Variants in SHPK observed in about 807,000 individuals in gnomAD.
SHPK encodes the protein carbohydrate kinase-like protein.
In SHPK, 51 loss-of-function variants were observed where a neutral mutation model predicts 46.3. The ratio of observed to expected loss-of-function variants is 1.10; its 90% confidence interval spans 0.88 to 1.39. SHPK has a LOEUF of 1.39. Ranked by LOEUF, SHPK falls within the 40% of genes most tolerant of loss-of-function variation. The pLI is 0.00. For synonymous variants in SHPK, 290 were observed against 273.9 expected, an observed-to-expected ratio of 1.06 and a Z score of -0.58; for missense variants, 668 against 641.3, an observed-to-expected ratio of 1.04 and a Z score of -0.45.
chr17:3,622,096 C>G (rs1004089588), intron 4 of SHPK, among the ~76,000 whole-genome samples: 11 of 152,020 alleles, frequency 7.2e-5, no homozygotes, highest in African/African-American at 2.7e-4. Context: ...GATTACAGGC[C>G]TGCACCACCA....
At chr17:3,612,425 TA>T (rs375264317) in intron 6 of SHPK, among the ~76,000 whole-genome samples, 27,324 of 124,862 alleles carry the variant, frequency 0.22, 5,443 homozygotes, top group African/African-American at 0.55. Flanking sequence ...GACTCAGTCT[TA>T]AAAAAAAAAA....
intron 1 of SHPK, among the ~76,000 whole-genome samples, chr17:3,632,015 G>A (rs757674090): frequency 2.6e-4 from 40 of 151,802 alleles, no homozygotes; most frequent in Non-Finnish European, 4.7e-4. Context: ...GGAGTGCAGT[G>A]GTGTGATCTC....
At chr17:3,611,796 G>T (rs1049674126) in intron 6 of SHPK, among the ~76,000 whole-genome samples, 1 of 134,528 alleles carries the variant, frequency 7.4e-6, no homozygotes, top group Admixed American at 8.7e-5. Flanking sequence ...TTAGCTCTGC[G>T]GGTTTTTTTT....
chr17:3,628,081 C>G (rs1377473771), intron 2 of SHPK, among the ~76,000 whole-genome samples: 1 of 151,936 alleles, frequency 6.6e-6, no homozygotes, highest in Admixed American at 6.6e-5. Flanking sequence ...AATGCCAGTC[C>G]CACTGACAGG....
At position 3,610,450 on chromosome 17, in the gene SHPK, G is replaced by C; in HGVS notation, c.*110C>G. Reference sequence around the variant, plus strand: ...GAGATGGGACCTCACAACAAGCACTGCTTGAAAGCTGTCCACTGAACGGTC... The same window carrying C: ...GAGATGGGACCTCACAACAAGCACTCCTTGAAAGCTGTCCACTGAACGGTC... On this transcript the variant is annotated 3_prime_UTR_variant, in exon 7 of 7. Coordinates refer to ENST00000225519, the MANE Select transcript of SHPK (RefSeq NM_013276.4). 8.6e-7 allele frequency: 1 copy of C among 1,161,374 alleles called. No individual in the cohort carries two copies. The highest frequency in any genetic ancestry group is 1.2e-6 in the Non-Finnish European group (1 of 818,992). The allele number at this position is 1,161,374 out of a possible 1,614,324, so 71.9% of individuals were successfully genotyped here.
intron 5 of SHPK, among the ~76,000 whole-genome samples, chr17:3,615,781 G>A (rs1482709742): frequency 6.6e-6 from 1 of 152,084 alleles, no homozygotes; most frequent in Non-Finnish European, 1.5e-5. Context: ...ACTGAGAGAG[G>A]GTGGGGTTTT....
chr17:3,621,428 G>T lies in SHPK; in HGVS notation c.648-16C>A. On this transcript the variant is annotated splice_polypyrimidine_tract_variant and intron_variant, in intron 4 of 6. Transcript: ENST00000225519. ...GCTCCTCAGTCTGTAAAACAGAAGT[G>T]GACACCCACATGGACCCACAGTTAG... 6.2e-7 allele frequency: 1 copy of T among 1,611,552 alleles called. No individual in the cohort carries two copies. The highest frequency in any genetic ancestry group is 2.2e-5 in the East Asian group (1 of 44,772).
rs978688211 is a variant in SHPK at position 3,615,458 on chromosome 17, C to T, written c.903G>A (p.Thr301=). Reference sequence around the variant, plus strand: ...AGTATGGGAAGTAGGCGACTGGGGCCGTAGGGTCTGGAGTCTGTGCAGGCT... The same window carrying T: ...AGTATGGGAAGTAGGCGACTGGGGCTGTAGGGTCTGGAGTCTGTGCAGGCT... ...GFQPAQTPDP[T]APVAYFPYFN... is the part of the protein sequence containing the mutation. The change falls in exon 6 of 7, where the codon ACG becomes ACA. Residue 301 remains threonine (T), a synonymous_variant. Transcript: ENST00000225519. The T allele has an allele frequency of 8.1e-6, 13 of 1,614,012 alleles. No homozygotes were observed. The highest frequency in any genetic ancestry group is 3.3e-5 in the Admixed American group (2 of 59,992).
At chr17:3,622,552 C>T in intron 4 of SHPK, 1 of 982,312 alleles carries the variant, frequency 1.0e-6, no homozygotes, top group Non-Finnish European at 1.2e-6. Context: ...ACCTGAACTA[C>T]CAGGTGCTTT....
intron 5 of SHPK, among the ~76,000 whole-genome samples, chr17:3,616,406 C>T (rs570828934): frequency 6.6e-6 from 1 of 152,276 alleles, no homozygotes; most frequent in African/African-American, 2.4e-5. Context: ...AGGCCTTCTA[C>T]CAACAGCATC....
rs551801852 is a variant in SHPK at position 3,630,467 on chromosome 17, G to C, written c.169-121C>G. On this transcript the variant is annotated intron_variant, in intron 1 of 6. Transcript: ENST00000225519. ...GCAGCATCCACTCCCTAACTTCACAGTTGAGGCACTGCTGCAGGTGAGTTG... is the reference window on the plus strand; with the variant it reads ...GCAGCATCCACTCCCTAACTTCACACTTGAGGCACTGCTGCAGGTGAGTTG... 10 of 1,005,464 alleles carry C rather than the reference G, an allele frequency of 9.9e-6. No individual in the cohort carries two copies. In the South Asian group the frequency reaches 1.3e-4, roughly 14 times the overall value. The allele number at this position is 1,005,464 out of a possible 1,614,324, so 62.3% of individuals were successfully genotyped here.
intron 5 of SHPK, chr17:3,619,549 A>G: frequency 2.1e-6 from 1 of 485,272 alleles, no homozygotes; most frequent in South Asian, 1.9e-5. Flanking sequence ...CCTGGCCAAC[A>G]TGGTGAAACC....
chr17:3,619,185 C>T (rs113122595), intron 5 of SHPK: 37,142 of 431,876 alleles, frequency 0.086, 2,125 homozygotes, highest in Non-Finnish European at 0.12. Flanking sequence ...AATTTGTTCA[C>T]GTAAATTGCC....
At position 3,610,510 on chromosome 17, in the gene SHPK, T is replaced by C; in HGVS notation, c.*50A>G. ...GATGACCCACAGATGGTGTCAGGAA[T>C]GTTAATCAGGTAAAATTCACAGCAG... is the stretch of plus-strand genomic sequence containing the variant. On this transcript the variant is annotated 3_prime_UTR_variant, in exon 7 of 7. Transcript: ENST00000225519. 1.3e-6 allele frequency: 2 copies of C among 1,534,176 alleles called. No homozygotes were observed. Among genetic ancestry groups the C allele is most frequent in the African/African-American group, 1.4e-5 (1 of 73,842 alleles).
chr17:3,631,549 GTCTC>G (rs1369850095), intron 1 of SHPK, among the ~76,000 whole-genome samples: 1 of 83,850 alleles, frequency 1.2e-5, no homozygotes, highest in African/African-American at 8.3e-5. Context: ...TAGCGATAGA[GTCTC>G]TCTCTATTGC....
intron 6 of SHPK, among the ~76,000 whole-genome samples, chr17:3,612,323 T>A (rs192561495): frequency 6.6e-6 from 1 of 150,898 alleles, no homozygotes; most frequent in Admixed American, 6.6e-5. Context: ...CTACTTGGGA[T>A]GCTGAGGCAT....
At chr17:3,633,938 C>A (rs2075489738) in intron 1 of SHPK, among the ~76,000 whole-genome samples, 1 of 150,706 alleles carries the variant, frequency 6.6e-6, no homozygotes. Flanking sequence ...AATTCTTCTG[C>A]CTTGGGATCC....
At chr17:3,611,105 GC>G in intron 6 of SHPK, 133 bp from the exon 7 acceptor site, 1 of 846,196 alleles carries the variant, frequency 1.2e-6, no homozygotes, top group Non-Finnish European at 1.8e-6. Flanking sequence ...GTGGTTCTGG[GC>G]TCAGGGACTG....
chr17:3,631,548 A>T (rs2075472455), intron 1 of SHPK, among the ~76,000 whole-genome samples: 1 of 78,894 alleles, frequency 1.3e-5, no homozygotes, highest in Non-Finnish European at 2.0e-5. Flanking sequence ...TTAGCGATAG[A>T]GTCTCTCTCT....
Sources: gnomAD v4.1 joint callset for allele counts (sites outside exome capture counted in the v4.1 genomes callset) on GRCh38, gnomAD v4.1.1 for gene constraint, MANE v1.5 for transcripts, NCBI Gene and HGNC (gene_info 2026-07-23, HGNC 2026-07-21) for gene names.